BCAP31: variants seen among roughly 807,000 people sequenced by gnomAD.
The protein encoded by BCAP31 is B cell receptor associated protein 31, also known as B-cell receptor-associated protein 31.
For missense variants in BCAP31, 124 were observed against 193.0 expected, an observed-to-expected ratio of 0.64 and a Z score of 2.12; for synonymous variants, 75 against 80.9, an observed-to-expected ratio of 0.93 and a Z score of 0.39.
At chrX:153,713,879 TTC>T (rs2091608621) in intron 4 of BCAP31, among the ~76,000 whole-genome samples, 1 of 101,749 alleles carries the variant, frequency 9.8e-6, no homozygotes, top group Non-Finnish European at 2.0e-5. Context: ...CCCGATACTA[TTC>T]TTTTTTTTTT....
At chrX:153,711,530 C>T (rs1178723736) in intron 4 of BCAP31, among the ~76,000 whole-genome samples, 14 of 112,314 alleles carry the variant, frequency 1.2e-4, no homozygotes, top group Non-Finnish European at 3.8e-5. Flanking sequence ...CTAACCTGCT[C>T]GGGCCATGAG....
chrX:153,717,840 A>T (rs2091639747), intron 3 of BCAP31, among the ~76,000 whole-genome samples: 1 of 112,617 alleles, frequency 8.9e-6, no homozygotes, highest in Admixed American at 9.4e-5. Context: ...AGGGGTAAAA[A>T]CAGCACACCT....
At position 153,723,092 on chromosome X, in the gene BCAP31, C is replaced by T. The variant is rs1430687920; in HGVS notation, c.92+61G>A. 6 of 1,172,967 alleles carry T rather than the reference C, an allele frequency of 5.1e-6. No homozygotes were observed. The African/African-American group carries it at 1.1e-4, about 21-fold the overall frequency. On this transcript the variant is annotated intron_variant, in intron 2 of 7. Transcript: ENST00000345046. ...GGGTCCACCAGCTGCACACACCAGT[C>T]CCAGGGCTAGGGCACAGGCACCCTC... is the stretch of plus-strand genomic sequence containing the variant.
intron 5 of BCAP31, among the ~76,000 whole-genome samples, chrX:153,703,680 T>C (rs1318956088): frequency 1.4e-4 from 16 of 112,462 alleles, no homozygotes; most frequent in Admixed American, 6.5e-4. Flanking sequence ...CCTGGCTCAC[T>C]GAGGGGCCAT....
intron 3 of BCAP31, among the ~76,000 whole-genome samples, chrX:153,717,617 C>T (rs1273486658): frequency 8.9e-6 from 1 of 112,231 alleles, no homozygotes; most frequent in Non-Finnish European, 1.9e-5. Flanking sequence ...GACGGGGTTT[C>T]GCCATGTTGC....
At chrX:153,706,130 G>A (rs2091553012) in intron 4 of BCAP31, among the ~76,000 whole-genome samples, 1 of 111,211 alleles carries the variant, frequency 9.0e-6, no homozygotes, top group Non-Finnish European at 1.9e-5. Flanking sequence ...AGACAGTCTG[G>A]GGCTCCCCTC....
At chrX:153,712,802 G>A (rs2148377867) in intron 4 of BCAP31, among the ~76,000 whole-genome samples, 1 of 112,654 alleles carries the variant, frequency 8.9e-6, no homozygotes, top group South Asian at 3.6e-4. Flanking sequence ...TAGTCTAAGA[G>A]TTAAATCTAA....
chrX:153,721,475 T>G (rs1603229959), intron 2 of BCAP31, among the ~76,000 whole-genome samples: 1 of 99,382 alleles, frequency 1.0e-5, no homozygotes, highest in African/African-American at 3.6e-5. Flanking sequence ...CACGTATAGA[T>G]CAAAATGTCT....
At chrX:153,721,030 G>A (rs1389748172) in intron 2 of BCAP31, 58 bp from the exon 3 acceptor site, 2 of 1,034,681 alleles carry the variant, frequency 1.9e-6, no homozygotes, top group South Asian at 2.0e-5. Flanking sequence ...CGAGCTCTAG[G>A]GCCCTGAGCA....
At chrX:153,704,271 G>T (rs1199249638) in intron 4 of BCAP31, among the ~76,000 whole-genome samples, 177 bp from the exon 5 acceptor site, 4 of 112,268 alleles carry the variant, frequency 3.6e-5, no homozygotes, top group Non-Finnish European at 7.5e-5. Flanking sequence ...AAAAGGTGGG[G>T]CCCAGGAGCC....
At chrX:153,702,649 C>T (rs1332958729) in intron 6 of BCAP31, among the ~76,000 whole-genome samples, 4 of 112,093 alleles carry the variant, frequency 3.6e-5, no homozygotes, top group East Asian at 2.9e-4. Context: ...ACACTCTGGA[C>T]GGGAAAGCCC....
chrX:153,715,367 TG>T, intron 4 of BCAP31, 174 bp downstream of exon 4: 1 of 689,528 alleles, frequency 1.5e-6, no homozygotes, highest in Non-Finnish European at 2.1e-6. Context: ...ACGCTGCCTC[TG>T]GAGGTCAGGA....
At chrX:153,723,971 G>C (rs781943976) in intron 1 of BCAP31, 1 of 431,892 alleles carries the variant, frequency 2.3e-6, no homozygotes, top group Non-Finnish European at 4.3e-6. Context: ...GCCCCATACG[G>C]AGAAAGTTCT....
chrX:153,713,631 G>A (rs782737051), intron 4 of BCAP31, among the ~76,000 whole-genome samples: 2 of 111,250 alleles, frequency 1.8e-5, no homozygotes, highest in African/African-American at 6.6e-5. Context: ...CTCAAGCATC[G>A]GTGGCAATGC....
intron 3 of BCAP31, among the ~76,000 whole-genome samples, chrX:153,720,545 G>A (rs1017397102): frequency 1.8e-5 from 2 of 111,169 alleles, no homozygotes; most frequent in South Asian, 3.8e-4. Flanking sequence ...TGTATTTTTC[G>A]TAGAGATGGG....
Position 153,703,607 on chromosome X carries a change from G to C in BCAP31, c.477+352C>G, listed in dbSNP as rs782628246. 6.2e-5 allele frequency among the ~76,000 whole-genome samples: 7 copies of C among 112,987 alleles called. No individual in the cohort carries two copies. The East Asian group carries it at 1.7e-3, about 27-fold the overall frequency. On this transcript the variant is annotated intron_variant, in intron 5 of 7. Coordinates refer to ENST00000345046, the MANE Select transcript of BCAP31 (RefSeq NM_001256447.2). ...ATGCCACAGACCCCGAGTTCCAGAG[G>C]GGGTGCGGCAATCTTGCAGGGAACA...
At chrX:153,703,874 G>A in intron 5 of BCAP31, 85 bp downstream of exon 5, 1 of 1,143,674 alleles carries the variant, frequency 8.7e-7, no homozygotes, top group Non-Finnish European at 1.2e-6. Flanking sequence ...TGACAGGCTA[G>A]CAGTGGCCAC....
In BCAP31 at chrX:153,720,982, A is replaced by C. The variant is rs781900270; in HGVS notation, c.93-10T>G. 2.1e-5 allele frequency: 25 copies of C among 1,201,691 alleles called. No individual in the cohort carries two copies. The highest frequency in any genetic ancestry group is 3.5e-5 in the South Asian group (2 of 56,595). On this transcript the variant is annotated splice_polypyrimidine_tract_variant and intron_variant, in intron 2 of 7. Coordinates refer to ENST00000345046, the MANE Select transcript of BCAP31 (RefSeq NM_001256447.2). ...GAAAATCTTCTGCCATCTGTGAAGAAGACAAAAAGGACAGGAGTTGAAGAG... is the reference window on the plus strand; with the variant it reads ...GAAAATCTTCTGCCATCTGTGAAGACGACAAAAAGGACAGGAGTTGAAGAG...
intron 4 of BCAP31, among the ~76,000 whole-genome samples, chrX:153,707,238 G>A (rs1569540029): frequency 2.7e-5 from 3 of 110,854 alleles, no homozygotes; most frequent in African/African-American, 9.8e-5. Flanking sequence ...TGTTCTCTGC[G>A]TGGCTGCCAT....
Sources: allele counts gnomAD v4.1 joint callset (sites outside exome capture counted in the v4.1 genomes callset), GRCh38; gene constraint gnomAD v4.1.1; transcripts MANE v1.5; gene names NCBI Gene and HGNC (gene_info 2026-07-23, HGNC 2026-07-21).